RAPGEF1: variants seen among roughly 807,000 people sequenced by gnomAD.
The protein encoded by RAPGEF1 is Rap guanine nucleotide exchange factor 1, also known as CRK SH3-binding GNRP.
RAPGEF1 carries 33 observed loss-of-function variants against 143.3 expected under a neutral mutation model. That is an observed-to-expected ratio of 0.23 (90% CI 0.17 to 0.31). The LOEUF (loss-of-function observed/expected upper bound fraction) is 0.31. Among genes scored for constraint, RAPGEF1 ranks in the 10% least tolerant of loss-of-function variants. RAPGEF1 has a pLI of 1.00. For synonymous variants in RAPGEF1, 629 were observed against 676.5 expected (o/e 0.93, Z 1.09); for missense variants, 1,199 against 1,645.4 (o/e 0.73, Z 4.69).
chr9:131,731,360 C>G (rs1444897249), intron 1 of RAPGEF1, among the ~76,000 whole-genome samples: 2 of 152,214 alleles, frequency 1.3e-5, no homozygotes, highest in African/African-American at 2.4e-5. Flanking sequence ...AATCATCCAT[C>G]TATTTATTCA....
intron 13 of RAPGEF1, 42 bp downstream of exon 13, chr9:131,604,886 GTGT>G: frequency 5.9e-6 from 1 of 169,434 alleles, no homozygotes; most frequent in South Asian, 1.1e-4. Flanking sequence ...ATGTGCAGGG[GTGT>G]GTGTGTGTGT....
chr9:131,668,364 A>T (rs1397074255), intron 1 of RAPGEF1, among the ~76,000 whole-genome samples: 2 of 152,236 alleles, frequency 1.3e-5, no homozygotes, highest in African/African-American at 2.4e-5. Context: ...TTAGATTTTT[A>T]AAAAACTTAC....
At chr9:131,620,240 G>A (rs905107609) in intron 11 of RAPGEF1, among the ~76,000 whole-genome samples, 3 of 150,838 alleles carry the variant, frequency 2.0e-5, no homozygotes, top group African/African-American at 4.9e-5. Context: ...CAAATGGGCC[G>A]AAAATATTTT....
intron 25 of RAPGEF1, among the ~76,000 whole-genome samples, chr9:131,582,120 C>G (rs1238850774): frequency 1.3e-5 from 2 of 152,164 alleles, no homozygotes; most frequent in Non-Finnish European, 2.9e-5. Context: ...GCCCATGGTC[C>G]ACGCTCAGGA....
At chr9:131,640,985 T>TA (rs1034854161) in intron 4 of RAPGEF1, among the ~76,000 whole-genome samples, 1 of 152,110 alleles carries the variant, frequency 6.6e-6, no homozygotes, top group Non-Finnish European at 1.5e-5. Context: ...CATGGGTCCT[T>TA]ACAGCCACAC....
intron 10 of RAPGEF1, among the ~76,000 whole-genome samples, chr9:131,624,661 C>T (rs1962384517): frequency 6.6e-6 from 1 of 152,158 alleles, no homozygotes; most frequent in Non-Finnish European, 1.5e-5. Flanking sequence ...CCCAAGATAA[C>T]AGGGGTGGAG....
chr9:131,688,161 C>T (rs1404143433), intron 1 of RAPGEF1, among the ~76,000 whole-genome samples: 1 of 152,196 alleles, frequency 6.6e-6, no homozygotes, highest in East Asian at 1.9e-4. Flanking sequence ...GCTGGAGATG[C>T]CGTGCCAGAT....
intron 5 of RAPGEF1, among the ~76,000 whole-genome samples, chr9:131,631,993 A>C (rs1358340870): frequency 6.6e-6 from 1 of 152,248 alleles, no homozygotes; most frequent in African/African-American, 2.4e-5. Context: ...ATTTTGCACC[A>C]GGTGCAGTGG....
chr9:131,619,162 G>T lies in RAPGEF1; in HGVS notation c.1950C>A (p.Val650=). ...GGGTGAAGGCCACTTTAGTTTGCTG[G>T]ACACAGTGGGAGACAGAGGAGAAGG... ...ASSFSSVSHC[V]QQTKVAFTPE... is the part of the protein sequence containing the mutation. The change falls in exon 12 of 27, where the codon GTC becomes GTA. Residue 650 remains valine (V), a synonymous_variant. Coordinates refer to ENST00000683357, the MANE Select transcript of RAPGEF1 (RefSeq NM_001377935.1). The T allele has an allele frequency of 7.6e-7, 1 of 1,311,088 alleles. No homozygotes were observed. The highest frequency in any genetic ancestry group is 1.5e-5 in the African/African-American group (1 of 66,334). The allele number at this position is 1,311,088 out of a possible 1,614,324, so 81.2% of individuals were successfully genotyped here. A position where few individuals can be genotyped will look rare whatever the true frequency, so the allele number is the denominator to read the frequency against.
intron 1 of RAPGEF1, among the ~76,000 whole-genome samples, chr9:131,711,717 C>A (rs1420378137): frequency 6.6e-6 from 1 of 152,216 alleles, no homozygotes; most frequent in Non-Finnish European, 1.5e-5. Flanking sequence ...AGATATCTGG[C>A]TTCGGTCAAT....
intron 1 of RAPGEF1, among the ~76,000 whole-genome samples, chr9:131,727,794 G>A (rs1836774066): frequency 9.3e-6 from 1 of 107,554 alleles, no homozygotes; most frequent in Non-Finnish European, 1.9e-5. Flanking sequence ...AATTAATAGA[G>A]AAAGCTCCTC....
chr9:131,589,391 T>C (rs1953788017), intron 19 of RAPGEF1, among the ~76,000 whole-genome samples: 1 of 152,208 alleles, frequency 6.6e-6, no homozygotes, highest in African/African-American at 2.4e-5. Flanking sequence ...ACGTGGCCAT[T>C]TCCCAGCCGC....
intron 1 of RAPGEF1, among the ~76,000 whole-genome samples, chr9:131,729,442 A>G (rs1490470514): frequency 1.3e-5 from 2 of 152,274 alleles, no homozygotes; most frequent in African/African-American, 2.4e-5. Context: ...TTCTCATGCA[A>G]TATTTTCAGC....
intron 9 of RAPGEF1, 75 bp from the exon 10 acceptor site, chr9:131,626,497 C>A: frequency 6.9e-7 from 1 of 1,442,248 alleles, no homozygotes; most frequent in Non-Finnish European, 9.3e-7. Flanking sequence ...CCCCGCCCGC[C>A]TCTCGCCGGC....
At position 131,619,065 on chromosome 9, in the gene RAPGEF1, A is replaced by G. The variant is rs763746598; in HGVS notation, c.2047T>C (p.Leu683=). 2 of 1,359,486 alleles carry G rather than the reference A, an allele frequency of 1.5e-6. No homozygotes were observed. The highest frequency in any genetic ancestry group is 2.0e-6 in the Non-Finnish European group (2 of 1,019,150). 84.2% of individuals were successfully genotyped at this position (1,359,486 alleles called of 1,614,324 possible). ...GAGCAACTCACCGAGGGCACGGGCA[A>G]GCTGCCGTGCCGGCTGAGAAAGGAG... ...SNSFLSRHGS[L]PVPSYKSVFR... The change falls in exon 12 of 27, where the codon TTG becomes CTG. Residue 683 remains leucine (L), a synonymous_variant. Transcript: ENST00000683357.
intron 1 of RAPGEF1, among the ~76,000 whole-genome samples, chr9:131,651,288 GA>G (rs1045639918): frequency 2.0e-5 from 3 of 152,218 alleles, no homozygotes. Flanking sequence ...TCAAATCACA[GA>G]TGTGTAGGAT....
At position 131,583,141 on chromosome 9, in the gene RAPGEF1, T is replaced by C. The variant is rs911306649; in HGVS notation, c.3415-439A>G. 3.3e-5 allele frequency among the ~76,000 whole-genome samples: 5 copies of C among 152,094 alleles called. No homozygotes were observed. The highest frequency in any genetic ancestry group is 7.2e-5 in the African/African-American group (3 of 41,408). ...GTACTCAGGGAGGACCAACTAAAGATAGCATGTGACCTCGCCCTCCCCAGG... is the reference window on the plus strand; with the variant it reads ...GTACTCAGGGAGGACCAACTAAAGACAGCATGTGACCTCGCCCTCCCCAGG... On this transcript the variant is annotated intron_variant, in intron 24 of 26. Coordinates refer to ENST00000683357, the MANE Select transcript of RAPGEF1 (RefSeq NM_001377935.1). The surrounding 1 kb of genome is among the most constrained non-coding windows in gnomAD (Gnocchi z 4.7).
At chr9:131,607,397 C>T (rs1201579573) in intron 12 of RAPGEF1, among the ~76,000 whole-genome samples, 1 of 152,202 alleles carries the variant, frequency 6.6e-6, no homozygotes, top group African/African-American at 2.4e-5. Context: ...GATGGCGCTG[C>T]AGGCCTGGGA....
chr9:131,647,798 A>C (rs573758045), intron 3 of RAPGEF1, among the ~76,000 whole-genome samples: 1 of 152,174 alleles, frequency 6.6e-6, no homozygotes, highest in South Asian at 2.1e-4. Context: ...TTGGGTGAAG[A>C]TCACACCTAC....
Sources: allele counts gnomAD v4.1 joint callset (sites outside exome capture counted in the v4.1 genomes callset), GRCh38; gene constraint gnomAD v4.1.1; non-coding constraint Gnocchi (gnomAD v3.1); transcripts MANE v1.5; gene names NCBI Gene and HGNC (gene_info 2026-07-23, HGNC 2026-07-21).